CLSTN2: variants seen among roughly 807,000 people sequenced by gnomAD.
CLSTN2 encodes the protein calsyntenin 2.
A neutral mutation model predicts 101.2 loss-of-function variants in CLSTN2; 48 were observed. The ratio of observed to expected loss-of-function variants is 0.47; its 90% CI spans 0.38 to 0.60. The LOEUF (loss-of-function observed/expected upper bound fraction) is 0.60, where lower values mean the gene tolerates loss of function less well. Among genes scored for constraint, CLSTN2 ranks in the 20% least tolerant of loss-of-function variants. The pLI is 0.00. For synonymous variants in CLSTN2, 481 were observed against 463.6 expected, an observed-to-expected ratio of 1.04 and a Z score of -0.48; for missense variants, 1,160 against 1,238.2, an observed-to-expected ratio of 0.94 and a Z score of 0.95.
intron 1 of CLSTN2, among the ~76,000 whole-genome samples, chr3:140,161,063 A>G (rs2010039391): frequency 6.6e-6 from 1 of 152,116 alleles, no homozygotes; most frequent in Non-Finnish European, 1.5e-5. Flanking sequence ...CCTCAGGATT[A>G]CTACTAGTAA....
chr3:140,230,885 C>T (rs900248029), intron 2 of CLSTN2, among the ~76,000 whole-genome samples: 1 of 152,100 alleles, frequency 6.6e-6, no homozygotes, highest in Non-Finnish European at 1.5e-5. Flanking sequence ...TTTAGGTTTC[C>T]CTGGAGTCTT....
chr3:139,963,569 T>C (rs1472782587), intron 1 of CLSTN2, among the ~76,000 whole-genome samples: 3 of 152,218 alleles, frequency 2.0e-5, no homozygotes, highest in African/African-American at 7.2e-5. Context: ...AGATTGGTAT[T>C]GTCTCTGTAC....
At chr3:140,374,375 A>G (rs2087891621) in intron 2 of CLSTN2, among the ~76,000 whole-genome samples, 1 of 152,054 alleles carries the variant, frequency 6.6e-6, no homozygotes, top group East Asian at 1.9e-4. Context: ...GTCATCCTTT[A>G]TAACCCAACT....
chr3:139,974,014 T>C (rs1042964645), intron 1 of CLSTN2, among the ~76,000 whole-genome samples: 2 of 152,214 alleles, frequency 1.3e-5, no homozygotes, highest in Admixed American at 6.5e-5. Context: ...TCTGTGGTTT[T>C]ATCAGGAAGA....
chr3:140,477,786 G>A (rs889185605), intron 8 of CLSTN2, among the ~76,000 whole-genome samples: 5 of 152,138 alleles, frequency 3.3e-5, no homozygotes, highest in Admixed American at 1.3e-4. Context: ...TTCATTTGTC[G>A]ATCTCAGCAG....
At chr3:140,043,830 T>G (rs1289925378) in intron 1 of CLSTN2, among the ~76,000 whole-genome samples, 3 of 152,040 alleles carry the variant, frequency 2.0e-5, no homozygotes, top group South Asian at 2.1e-4. Context: ...AGATCAGATG[T>G]TTGTAGATGT....
intron 1 of CLSTN2, among the ~76,000 whole-genome samples, chr3:139,987,690 G>C (rs961699378): frequency 1.3e-5 from 2 of 152,220 alleles, no homozygotes; most frequent in African/African-American, 4.8e-5. Context: ...ACCTCAGGTA[G>C]TAGGAGGTTG....
rs893515672 is a variant in CLSTN2 at position 140,329,230 on chromosome 3, T to A, written c.233-74399T>A. 4.6e-5 allele frequency among the ~76,000 whole-genome samples: 7 copies of A among 151,938 alleles called. No homozygotes were observed. The East Asian group carries it at 1.4e-3, about 29-fold the overall frequency. ...GGCAAAACCCCATCTCTACTGAAAA[T>A]ACAAAAAAGTTAGCTGGGCATGGTG... On this transcript the variant is annotated intron_variant, in intron 2 of 16. Coordinates refer to ENST00000458420, the MANE Select transcript of CLSTN2 (RefSeq NM_022131.3).
At chr3:140,015,839 C>T (rs2007189442) in intron 1 of CLSTN2, among the ~76,000 whole-genome samples, 1 of 152,252 alleles carries the variant, frequency 6.6e-6, no homozygotes, top group Non-Finnish European at 1.5e-5. Context: ...AGGCTGTCAG[C>T]CTCTGCTCCA....
At chr3:140,277,805 A>T (rs796316809) in intron 2 of CLSTN2, among the ~76,000 whole-genome samples, 2 of 152,312 alleles carry the variant, frequency 1.3e-5, no homozygotes, top group South Asian at 4.1e-4. Flanking sequence ...TTCACCTCAA[A>T]GACACTACAA....
At chr3:140,468,191 C>T (rs547721704) in intron 8 of CLSTN2, among the ~76,000 whole-genome samples, 1 of 152,304 alleles carries the variant, frequency 6.6e-6, no homozygotes, top group South Asian at 2.1e-4. Context: ...AACCTCTCAG[C>T]TATGTCCTAA....
intron 1 of CLSTN2, among the ~76,000 whole-genome samples, chr3:139,945,076 A>T (rs1459052808): frequency 8.0e-6 from 1 of 125,276 alleles, no homozygotes; most frequent in African/African-American, 3.4e-5. Context: ...ATTGCCAGTT[A>T]AAAAAAAAGA....
chr3:140,451,495 G>A (rs567720606), intron 6 of CLSTN2, among the ~76,000 whole-genome samples: 2 of 152,202 alleles, frequency 1.3e-5, no homozygotes, highest in African/African-American at 4.8e-5. Context: ...CACACCTATG[G>A]TAATCCTGTC....
At chr3:140,327,108 A>G (rs1178526722) in intron 2 of CLSTN2, among the ~76,000 whole-genome samples, 2 of 152,232 alleles carry the variant, frequency 1.3e-5, no homozygotes, top group African/African-American at 4.8e-5. Context: ...ACAGAATACA[A>G]AGAGACAAGA....
chr3:140,476,880 C>T (rs956678865), intron 8 of CLSTN2, among the ~76,000 whole-genome samples: 16 of 152,032 alleles, frequency 1.1e-4, no homozygotes, highest in African/African-American at 3.1e-4. Context: ...AGGATGGTCT[C>T]GATCTCCTGA....
intron 8 of CLSTN2, among the ~76,000 whole-genome samples, chr3:140,503,992 T>G (rs1000954720): frequency 1.3e-5 from 2 of 152,086 alleles, no homozygotes; most frequent in African/African-American, 4.8e-5. Context: ...TGCCCTCCCC[T>G]TAGCAGATAA....
At chr3:140,248,601 C>T (rs184901237) in intron 2 of CLSTN2, among the ~76,000 whole-genome samples, 30 of 152,232 alleles carry the variant, frequency 2.0e-4, no homozygotes, top group African/African-American at 4.1e-4. Context: ...CCTGCAGATA[C>T]GAAGATGGGG....
At chr3:140,423,323 C>T (rs534938513) in intron 5 of CLSTN2, among the ~76,000 whole-genome samples, 2 of 152,334 alleles carry the variant, frequency 1.3e-5, no homozygotes, top group African/African-American at 4.8e-5. Flanking sequence ...AAGGCCGGTG[C>T]CCATCTGCTA....
At chr3:140,133,762 G>A (rs938179508) in intron 1 of CLSTN2, among the ~76,000 whole-genome samples, 1 of 152,178 alleles carries the variant, frequency 6.6e-6, no homozygotes, top group African/African-American at 2.4e-5. Flanking sequence ...ACTCAATGCA[G>A]TGCAGCAAAA....
Sources: gnomAD v4.1 joint callset for allele counts (sites outside exome capture counted in the v4.1 genomes callset) on GRCh38, gnomAD v4.1.1 for gene constraint, MANE v1.5 for transcripts, NCBI Gene and HGNC (gene_info 2026-07-23, HGNC 2026-07-21) for gene names.